The following TSNAX variants were observed in gnomAD, a reference collection of about 807,000 sequenced individuals.
TSNAX encodes the protein translin-associated protein X.
A neutral mutation model predicts 33.0 loss-of-function variants in TSNAX; 12 were observed. The ratio of observed to expected loss-of-function variants is 0.36; its 90% confidence interval spans 0.23 to 0.59. The LOEUF is 0.59. Ranked by LOEUF, TSNAX falls within the 20% of genes least tolerant of loss-of-function variation. The pLI is 0.74. For missense variants in TSNAX, 267 were observed against 341.3 expected, an observed-to-expected ratio of 0.78 and a Z score of 1.72; for synonymous variants, 110 against 117.2, an observed-to-expected ratio of 0.94 and a Z score of 0.40.
chr1:231,537,347 A>G lies in TSNAX; in HGVS notation c.236+20A>G. ...TACAAGGTGAGTAAGCATCTTTAGA[A>G]TTTATTACAGTTTGATACTAGCTAT... is the stretch of plus-strand genomic sequence containing the variant. On this transcript the variant is annotated intron_variant, in intron 3 of 5. Coordinates refer to ENST00000366639, the MANE Select transcript of TSNAX (RefSeq NM_005999.3). 1 of 1,504,812 alleles carries G rather than the reference A, an allele frequency of 6.6e-7. No homozygotes were observed. The allele number at this position is 1,504,812 out of a possible 1,614,324, so 93.2% of individuals were successfully genotyped here.
At chr1:231,529,969 C>A (rs1447454755) in intron 2 of TSNAX, among the ~76,000 whole-genome samples, 1 of 152,198 alleles carries the variant, frequency 6.6e-6, no homozygotes, top group Non-Finnish European at 1.5e-5. Flanking sequence ...CTGGTTGATT[C>A]CTATTTGCAA....
intron 2 of TSNAX, among the ~76,000 whole-genome samples, chr1:231,530,571 A>C (rs1658623238): frequency 6.6e-6 from 1 of 152,058 alleles, no homozygotes; most frequent in Non-Finnish European, 1.5e-5. Flanking sequence ...AAAATACAAA[A>C]AATTAGCCGG....
rs1361734759 is a variant in TSNAX at position 231,545,072 on chromosome 1, G to GT, written c.367+2467dup. On this transcript the variant is annotated intron_variant, in intron 4 of 5. Coordinates refer to ENST00000366639, the MANE Select transcript of TSNAX (RefSeq NM_005999.3). ...TTCTTTGAATTGAAGCAATAAAGATGTTTTTTCTTAAAGTTAAGGAATAAA... is the reference window on the plus strand; with the variant it reads ...TTCTTTGAATTGAAGCAATAAAGATGTTTTTTTCTTAAAGTTAAGGAATAAA... Among the ~76,000 whole-genome samples, 1,006 of 144,598 alleles carry GT rather than the reference G, an allele frequency of 7.0e-3. 5 individuals carry two copies. Among genetic ancestry groups the GT allele is most frequent in the African/African-American group, 0.023 (934 of 40,546 alleles). 94.9% of individuals were successfully genotyped at this position (144,598 alleles called of 152,430 possible). A position where few individuals can be genotyped will look rare whatever the true frequency, so the allele number is the denominator to read the frequency against.
chr1:231,544,323 T>C lies in TSNAX; in HGVS notation c.367+1712T>C, dbSNP rs77991533. Among the ~76,000 whole-genome samples the C allele has an allele frequency of 1.2e-3, 181 of 152,324 alleles. 6 individuals carry two copies. The East Asian group carries it at 0.027, about 23-fold the overall frequency. ...AAGAGTTTGAATAACTTCCATAATCTTTATCATTTTTTCTATCACATCATC... is the reference window on the plus strand; with the variant it reads ...AAGAGTTTGAATAACTTCCATAATCCTTATCATTTTTTCTATCACATCATC... On this transcript the variant is annotated intron_variant, in intron 4 of 5. Transcript: ENST00000366639.
intron 3 of TSNAX, among the ~76,000 whole-genome samples, chr1:231,538,715 C>T (rs978163055): frequency 6.6e-6 from 1 of 151,964 alleles, no homozygotes; most frequent in South Asian, 2.1e-4. Flanking sequence ...TATTATTGCC[C>T]GGGCATGGTG....
chr1:231,564,093 G>A (rs1436364642), intron 5 of TSNAX, among the ~76,000 whole-genome samples: 2 of 152,148 alleles, frequency 1.3e-5, no homozygotes, highest in African/African-American at 4.8e-5. Flanking sequence ...GCTGAATAGG[G>A]AAAGACAAGA....
At chr1:231,559,766 CTTCAA>C (rs1039688665) in intron 4 of TSNAX, among the ~76,000 whole-genome samples, 13 of 151,360 alleles carry the variant, frequency 8.6e-5, no homozygotes, top group Non-Finnish European at 1.6e-4. Context: ...AAAATTTACT[CTTCAA>C]TTCAAGGGTT....
intron 4 of TSNAX, among the ~76,000 whole-genome samples, chr1:231,544,553 G>GT (rs1659782091): frequency 6.6e-6 from 1 of 152,176 alleles, no homozygotes; most frequent in African/African-American, 2.4e-5. Context: ...TGCATGATTA[G>GT]GCTCTACTAA....
chr1:231,555,539 C>T (rs1660629747), intron 4 of TSNAX, among the ~76,000 whole-genome samples: 1 of 152,114 alleles, frequency 6.6e-6, no homozygotes, highest in Non-Finnish European at 1.5e-5. Context: ...CTAAACTGTA[C>T]ACTTAAAAAT....
intron 4 of TSNAX, among the ~76,000 whole-genome samples, chr1:231,556,794 T>G (rs200521803): frequency 2.0e-5 from 3 of 152,232 alleles, no homozygotes; most frequent in Admixed American, 6.5e-5. Context: ...CATACAGATA[T>G]ATGTTTATGT....
intron 4 of TSNAX, among the ~76,000 whole-genome samples, chr1:231,559,045 A>G (rs917115198): frequency 3.3e-5 from 5 of 152,108 alleles, no homozygotes; most frequent in Admixed American, 1.3e-4. Flanking sequence ...AGCCTCCCCA[A>G]CACTGTTGCT....
rs1661336816 is a variant in TSNAX, at chr1:231,564,986, A to AC, written c.*82dup. The AC allele has an allele frequency of 1.3e-6, 2 of 1,484,644 alleles. No individual in the cohort carries two copies. Among genetic ancestry groups the AC allele is most frequent in the Non-Finnish European group, 1.8e-6 (2 of 1,107,708 alleles). The allele number at this position is 1,484,644 out of a possible 1,614,324, so 92.0% of individuals were successfully genotyped here. ...TAAGACTTATTTAGTATTTCATTTA[A>AC]CTTTATTGTGGCTTTTACATAGAAA... On this transcript the variant is annotated 3_prime_UTR_variant, in exon 6 of 6. Transcript: ENST00000366639.
chr1:231,528,909 C>CCTTG, intron 1 of TSNAX, 83 bp downstream of exon 1: 2 of 1,568,526 alleles, frequency 1.3e-6, no homozygotes, highest in Non-Finnish European at 1.8e-6. Flanking sequence ...CCCTTTTCAC[C>CCTTG]CTTGAAGGAT....
At chr1:231,546,889 T>C (rs1389314592) in intron 4 of TSNAX, among the ~76,000 whole-genome samples, 1 of 152,100 alleles carries the variant, frequency 6.6e-6, no homozygotes, top group Non-Finnish European at 1.5e-5. Context: ...GAGTGGGGGA[T>C]GGCGCCTGAG....
At position 231,550,712 on chromosome 1, in the gene TSNAX, A is replaced by G. The variant is rs201261951; in HGVS notation, c.367+8101A>G. ...TCCTCTTCTACTCCTTTCGTCCCCT[A>G]TTGGTTGGAGGAGAGAGTATGATGA... On this transcript the variant is annotated intron_variant, in intron 4 of 5. Transcript: ENST00000366639. 1.6e-3 allele frequency among the ~76,000 whole-genome samples: 238 copies of G among 151,820 alleles called. 1 individual carries two copies. In the South Asian group the frequency reaches 0.024, roughly 15 times the overall value.
At chr1:231,561,891 T>C (rs1661140862) in intron 5 of TSNAX, among the ~76,000 whole-genome samples, 1 of 152,210 alleles carries the variant, frequency 6.6e-6, no homozygotes. Flanking sequence ...ACGGAAGTGC[T>C]CAGTAGTTTG....
At chr1:231,559,317 T>TTTGTTGTTG (rs71179786) in intron 4 of TSNAX, among the ~76,000 whole-genome samples, 31,160 of 151,266 alleles carry the variant, frequency 0.21, 3,496 homozygotes, top group Admixed American at 0.28. Flanking sequence ...TAGAATATAG[T>TTTGTTGTTG]TTGTTGTTGT....
intron 4 of TSNAX, among the ~76,000 whole-genome samples, chr1:231,543,322 T>A (rs1659699481): frequency 6.6e-6 from 1 of 151,560 alleles, no homozygotes; most frequent in African/African-American, 2.4e-5. Context: ...TACTAGATAA[T>A]TCAGATACAG....
chr1:231,540,335 A>G (rs1327718910), intron 3 of TSNAX, among the ~76,000 whole-genome samples: 1 of 152,176 alleles, frequency 6.6e-6, no homozygotes, highest in Non-Finnish European at 1.5e-5. Flanking sequence ...TGTGTCTTTC[A>G]AGGAATTTGC....
Sources: allele counts gnomAD v4.1 joint callset (sites outside exome capture counted in the v4.1 genomes callset), GRCh38; gene constraint gnomAD v4.1.1; transcripts MANE v1.5; gene names NCBI Gene and HGNC (gene_info 2026-07-23, HGNC 2026-07-21).